The following PCDHGB1 variants were observed in gnomAD, a reference collection of about 807,000 sequenced individuals.
PCDHGB1 encodes the protein protocadherin gamma subfamily B, 1.
A neutral mutation model predicts 56.6 loss-of-function variants in PCDHGB1; 34 were observed. That is an observed-to-expected ratio of 0.60 (90% CI 0.46 to 0.80). The LOEUF is 0.80. PCDHGB1 is among the 30% of genes least tolerant of loss of function. PCDHGB1 has a pLI of 0.00. For synonymous variants in PCDHGB1, 561 were observed against 505.9 expected, an observed-to-expected ratio of 1.11 and a Z score of -1.46; for missense variants, 1,278 against 1,204.6, an observed-to-expected ratio of 1.06 and a Z score of -0.90.
chr5:141,430,560 G>T (rs1184226832), intron 1 of PCDHGB1: 1 of 420,160 alleles, frequency 2.4e-6, no homozygotes, highest in Non-Finnish European at 4.1e-6. Context: ...ACCAATCGGG[G>T]AGAGAAAAGC....
Position 141,375,159 on chromosome 5 carries a change from G to A in PCDHGB1, c.2409+22490G>A, listed in dbSNP as rs1771191060. 2.5e-6 allele frequency: 4 copies of A among 1,613,862 alleles called. No individual in the cohort carries two copies. The East Asian group carries it at 8.9e-5, about 36-fold the overall frequency. ...TCTGGAAGCAGAACAATTGCTGAAA[G>A]TGCACCTCCAGGAACAGTAATCGCC... On this transcript the variant is annotated intron_variant, in intron 1 of 3. Coordinates refer to ENST00000523390, the MANE Select transcript of PCDHGB1 (RefSeq NM_018922.3).
chr5:141,364,528 C>A (rs1445482375), intron 1 of PCDHGB1: 2 of 1,613,930 alleles, frequency 1.2e-6, no homozygotes, highest in Non-Finnish European at 1.7e-6. Context: ...GAGTCCGCAT[C>A]GTCTCCAGAG....
chr5:141,433,108 G>A (rs2097568903), intron 1 of PCDHGB1: 2 of 1,614,146 alleles, frequency 1.2e-6, no homozygotes, highest in East Asian at 2.2e-5. Context: ...TCAGCCAGGA[G>A]AGCTTTGAAA....
At chr5:141,369,404 T>C (rs1340022164) in intron 1 of PCDHGB1, among the ~76,000 whole-genome samples, 1 of 152,184 alleles carries the variant, frequency 6.6e-6, no homozygotes, top group Non-Finnish European at 1.5e-5. Flanking sequence ...GGGTGGTTCA[T>C]GACTATAATC....
At chr5:141,458,617 T>A (rs1392739721) in intron 1 of PCDHGB1, among the ~76,000 whole-genome samples, 6 of 152,170 alleles carry the variant, frequency 3.9e-5, no homozygotes, top group Non-Finnish European at 8.8e-5. Flanking sequence ...TCAGCCAGGC[T>A]GGAGTGCAGT....
chr5:141,428,110 C>G (rs917739943), intron 1 of PCDHGB1: 11 of 1,607,538 alleles, frequency 6.8e-6, no homozygotes, highest in Middle Eastern at 3.4e-4. Context: ...GTGCTGCAGG[C>G]CATCGAGCCC....
rs2099623857 is a variant in PCDHGB1, at chr5:141,486,060, A to ACC, written c.2410-8744_2410-8743dup. On this transcript the variant is annotated intron_variant, in intron 1 of 3. Transcript: ENST00000523390. This position sits in a 1 kb window ranked among gnomAD's most constrained non-coding sequence, Gnocchi z 5.0. Reference sequence around the variant, plus strand: ...CGTGTAAGAAACCTCTTTAGCCTGCACCCCACTACTGGAAAGCTTACTCTT... The same window carrying ACC: ...CGTGTAAGAAACCTCTTTAGCCTGCACCCCCCACTACTGGAAAGCTTACTCTT... The ACC allele has an allele frequency of 1.2e-6, 2 of 1,613,980 alleles. No homozygotes were observed. The highest frequency in any genetic ancestry group is 1.7e-6 in the Non-Finnish European group (2 of 1,179,980).
In PCDHGB1 at chr5:141,477,406, A is replaced by G. The variant is rs1004061582; in HGVS notation, c.2410-17401A>G. The G allele has an allele frequency of 6.2e-7, 1 of 1,614,154 alleles. No individual in the cohort carries two copies. Among genetic ancestry groups the G allele is most frequent in the Non-Finnish European group, 8.5e-7 (1 of 1,180,040 alleles). The stretch of plus-strand genomic sequence containing the variant: ...AATACAACCTCAGCATCACCGCCCG[A>G]GACGCCGGAACCCCTTCCCTCTCAG... On this transcript the variant is annotated intron_variant, in intron 1 of 3. Transcript: ENST00000523390. The surrounding 1 kb of genome is among the most constrained non-coding windows in gnomAD (Gnocchi z 4.9).
At chr5:141,479,823 G>A (rs1208437635) in intron 1 of PCDHGB1, among the ~76,000 whole-genome samples, 1 of 152,172 alleles carries the variant, frequency 6.6e-6, no homozygotes, top group Admixed American at 6.5e-5. Context: ...TACTATCCAA[G>A]GCATGGTATC....
Position 141,356,987 on chromosome 5 carries a change from G to A in PCDHGB1, c.2409+4318G>A, listed in dbSNP as rs146063218. On this transcript the variant is annotated intron_variant, in intron 1 of 3. Transcript: ENST00000523390. The stretch of plus-strand genomic sequence containing the variant: ...GTGACCAAAGTGGTGGCAGTGGACA[G>A]AGACTCAGGTCAGAATGCCTGGCTG... The A allele has an allele frequency of 5.2e-3, 8,384 of 1,614,186 alleles. 46 individuals carry two copies. Among genetic ancestry groups the A allele is most frequent in the Admixed American group, 9.4e-3 (566 of 60,032 alleles).
chr5:141,476,054 A>T lies in PCDHGB1; in HGVS notation c.2410-18753A>T. The T allele has an allele frequency of 3.3e-6, 5 of 1,504,982 alleles. No homozygotes were observed. The highest frequency in any genetic ancestry group is 4.4e-6 in the Non-Finnish European group (5 of 1,134,040). 93.2% of individuals were successfully genotyped at this position (1,504,982 alleles called of 1,614,324 possible). A position where few individuals can be genotyped will look rare whatever the true frequency, so the allele number is the denominator to read the frequency against. ...AGCGCCCAAGCGCTAACCCGCTGAA[A>T]GTTTCTCAGCGAAATCTCAGGGACG... On this transcript the variant is annotated intron_variant, in intron 1 of 3. Coordinates refer to ENST00000523390, the MANE Select transcript of PCDHGB1 (RefSeq NM_018922.3). The surrounding 1 kb of genome is among the most constrained non-coding windows in gnomAD (Gnocchi z 7.6).
At chr5:141,452,895 A>G (rs527695680) in intron 1 of PCDHGB1, among the ~76,000 whole-genome samples, 16 of 152,312 alleles carry the variant, frequency 1.1e-4, no homozygotes, top group African/African-American at 3.6e-4. Flanking sequence ...TTCCACTTTT[A>G]TTAGTTGGCA....
intron 1 of PCDHGB1, chr5:141,389,237 A>G (rs758770216): frequency 3.1e-6 from 5 of 1,612,662 alleles, no homozygotes; most frequent in Non-Finnish European, 4.2e-6. Flanking sequence ...CGGTTTTCTC[A>G]CAGTCTTCCT....
In PCDHGB1 at chr5:141,372,691, A is replaced by G. The variant is rs780199454; in HGVS notation, c.2409+20022A>G. The G allele has an allele frequency of 9.3e-6, 15 of 1,613,914 alleles. No homozygotes were observed. In the Admixed American group the frequency reaches 1.2e-4, roughly 13 times the overall value. ...TCACATTCCTCAAACACCGAGTTTA[A>G]ATTTCTCAATATAAAGGCTGAAAAT... On this transcript the variant is annotated intron_variant, in intron 1 of 3. Transcript: ENST00000523390.
At chr5:141,387,529 T>C (rs933925608) in intron 1 of PCDHGB1, among the ~76,000 whole-genome samples, 2 of 152,236 alleles carry the variant, frequency 1.3e-5, no homozygotes, top group East Asian at 1.9e-4. Flanking sequence ...TACAGACGTA[T>C]CCACGTAGTT....
At position 141,351,177 on chromosome 5, in the gene PCDHGB1, A is replaced by G. The variant is rs775042616; in HGVS notation, c.917A>G (p.Glu306Gly). 15 of 1,613,958 alleles carry G rather than the reference A, an allele frequency of 9.3e-6. 1 individual carries two copies. The highest frequency in any genetic ancestry group is 3.3e-4 in the Middle Eastern group (2 of 6,084). Residue 306 changes from glutamate (E) to glycine (G), a missense_variant, in exon 1 of 4, where the codon GAA becomes GGA. Transcript: ENST00000523390. ...ACAACCAATGGCACATTGGATTTTGAAGAGACAAGTAGATATGTGTTGAGT... is the reference window on the plus strand; with the variant it reads ...ACAACCAATGGCACATTGGATTTTGGAGAGACAAGTAGATATGTGTTGAGT... ...DITTNGTLDF[E>G]ETSRYVLSVE...
chr5:141,357,773 T>A (rs1338680393), intron 1 of PCDHGB1: 18 of 917,442 alleles, frequency 2.0e-5, no homozygotes, highest in Admixed American at 2.9e-5. Flanking sequence ...CTTCCAATAA[T>A]GATCAACAGT....
intron 3 of PCDHGB1, among the ~76,000 whole-genome samples, chr5:141,509,841 C>T (rs546036990): frequency 2.0e-5 from 3 of 152,326 alleles, no homozygotes; most frequent in African/African-American, 7.2e-5. Context: ...ACCTCCCATT[C>T]ACTCAGAACA....
chr5:141,490,882 A>G lies in PCDHGB1; in HGVS notation c.2410-3925A>G, dbSNP rs758716907. ...CGGCTCTCCCCCATTGCATGCCAAC[A>G]CATCTCTGCATGTGTTTGTCCTAGA... On this transcript the variant is annotated intron_variant, in intron 1 of 3. Coordinates refer to ENST00000523390, the MANE Select transcript of PCDHGB1 (RefSeq NM_018922.3). This position sits in a 1 kb window ranked among gnomAD's most constrained non-coding sequence, Gnocchi z 5.4. 6.2e-7 allele frequency: 1 copy of G among 1,613,848 alleles called. No individual in the cohort carries two copies. Among genetic ancestry groups the G allele is most frequent in the Non-Finnish European group, 8.5e-7 (1 of 1,179,920 alleles).
Sources: gnomAD v4.1 joint callset for allele counts (sites outside exome capture counted in the v4.1 genomes callset) on GRCh38, gnomAD v4.1.1 for gene constraint, Gnocchi (gnomAD v3.1) non-coding constraint, MANE v1.5 for transcripts, NCBI Gene and HGNC (gene_info 2026-07-23, HGNC 2026-07-21) for gene names.